Variants in MROH9 observed in about 807,000 individuals in gnomAD.
The protein encoded by MROH9 is maestro heat like repeat family member 9.
MROH9 carries 92 observed loss-of-function variants against 98.2 expected under a neutral mutation model. That is an observed-to-expected ratio of 0.94 (90% CI 0.79 to 1.11). The LOEUF (loss-of-function observed/expected upper bound fraction) is 1.11, where lower values mean the gene tolerates loss of function less well. MROH9 is among the 50% of genes most tolerant of loss of function. The probability of loss-of-function intolerance (pLI) is 0.00; values close to 1 mark genes in which losing one functional copy is unlikely to be tolerated. For synonymous variants in MROH9, 397 were observed against 368.9 expected (o/e 1.08, Z -0.87); for missense variants, 1,057 against 1,014.8 (o/e 1.04, Z -0.57).
chr1:170,992,256 C>G lies in MROH9; in HGVS notation c.1121C>G (p.Pro374Arg), dbSNP rs1651385559. ...ATCTTATTGATACTGAAAGGAAAGCCTGGGGAAATGGAGGACACCGTAACG... is the reference window on the plus strand; with the variant it reads ...ATCTTATTGATACTGAAAGGAAAGCGTGGGGAAATGGAGGACACCGTAACG... ...KTILLILKGK[P>R]GEMEDTVTEG... The change falls in exon 12 of 22, where the codon CCT (proline) becomes CGT (arginine). Residue 374 changes from proline to arginine, a missense_variant. Coordinates refer to ENST00000367759, the MANE Select transcript of MROH9 (RefSeq NM_001163629.2). 1.2e-6 allele frequency: 2 copies of G among 1,613,554 alleles called. No homozygotes were observed. The highest frequency in any genetic ancestry group is 2.7e-5 in the African/African-American group (2 of 74,988).
chr1:171,031,014 T>C (rs1466151781), intron 20 of MROH9, among the ~76,000 whole-genome samples: 2 of 152,240 alleles, frequency 1.3e-5, no homozygotes, highest in Non-Finnish European at 2.9e-5. Flanking sequence ...TCTTGTTGAA[T>C]TGTTCCCTTT....
intron 13 of MROH9, among the ~76,000 whole-genome samples, chr1:170,995,805 G>A (rs567824952): frequency 5.3e-5 from 8 of 152,252 alleles, no homozygotes; most frequent in Admixed American, 3.9e-4. Flanking sequence ...TATCAGATCA[G>A]TAAGAGACTA....
intron 15 of MROH9, among the ~76,000 whole-genome samples, chr1:171,012,243 T>C (rs1267591494): frequency 6.6e-6 from 1 of 152,078 alleles, no homozygotes; most frequent in African/African-American, 2.4e-5. Context: ...CTTTTTGGTT[T>C]CTTCTTTTAT....
At chr1:171,024,333 G>GTGTGT in intron 17 of MROH9, 62 bp from the exon 18 acceptor site, 1 of 859,272 alleles carries the variant, frequency 1.2e-6, no homozygotes, top group South Asian at 1.6e-5. Context: ...TGTGTGTGTA[G>GTGTGT]ATTACTGATT....
At chr1:170,940,533 C>T (rs28880304) in intron 1 of MROH9, among the ~76,000 whole-genome samples, 19,818 of 152,106 alleles carry the variant, frequency 0.13, 1,734 homozygotes, top group East Asian at 0.39. Context: ...TTCATGTACA[C>T]CTTACGGAAA....
At chr1:170,936,473 G>A (rs1203616251) in intron 1 of MROH9, among the ~76,000 whole-genome samples, 1 of 152,178 alleles carries the variant, frequency 6.6e-6, no homozygotes, top group Non-Finnish European at 1.5e-5. Flanking sequence ...ATTAGGGAGT[G>A]TCATCTCCTA....
chr1:170,955,283 G>A (rs530468803), intron 3 of MROH9, among the ~76,000 whole-genome samples: 1 of 152,102 alleles, frequency 6.6e-6, no homozygotes, highest in Non-Finnish European at 1.5e-5. Flanking sequence ...AAACGTGCTT[G>A]TGCCAGTTTC....
intron 20 of MROH9, among the ~76,000 whole-genome samples, chr1:171,051,997 T>C (rs964568528): frequency 6.6e-6 from 1 of 152,162 alleles, no homozygotes; most frequent in Non-Finnish European, 1.5e-5. Context: ...CTTGTATGTC[T>C]AGTAGAATTC....
chr1:171,015,114 A>G, intron 16 of MROH9: 2 of 467,596 alleles, frequency 4.3e-6, no homozygotes, highest in South Asian at 3.1e-5. Flanking sequence ...CTTTTATAAT[A>G]CATCCAATAA....
intron 12 of MROH9, 141 bp from the exon 13 acceptor site, chr1:170,995,248 G>T: frequency 1.3e-6 from 1 of 791,116 alleles, no homozygotes; most frequent in Non-Finnish European, 2.1e-6. Flanking sequence ...TTAAATGAAT[G>T]GATACCCATA....
chr1:170,971,947 T>G, intron 8 of MROH9, 64 bp downstream of exon 8: 1 of 1,561,312 alleles, frequency 6.4e-7, no homozygotes, highest in South Asian at 1.1e-5. Flanking sequence ...ATTCAACTTA[T>G]AGGTCCTGGG....
At chr1:170,976,573 C>T (rs1650699795) in intron 8 of MROH9, among the ~76,000 whole-genome samples, 1 of 152,054 alleles carries the variant, frequency 6.6e-6, no homozygotes. Flanking sequence ...ATGGTGAAAC[C>T]TCGTCTCTAA....
chr1:171,028,213 A>G (rs1652791209), intron 20 of MROH9, among the ~76,000 whole-genome samples: 2 of 152,190 alleles, frequency 1.3e-5, no homozygotes, highest in Non-Finnish European at 2.9e-5. Flanking sequence ...ATAAGGTGTA[A>G]GGAAAGCGTC....
intron 15 of MROH9, among the ~76,000 whole-genome samples, chr1:171,011,275 A>T (rs1652148011): frequency 6.6e-6 from 1 of 152,206 alleles, no homozygotes; most frequent in Non-Finnish European, 1.5e-5. Context: ...ATGTTAAAAC[A>T]ATTAAGTGAA....
At chr1:171,039,801 A>G (rs899564277) in intron 20 of MROH9, among the ~76,000 whole-genome samples, 3 of 152,192 alleles carry the variant, frequency 2.0e-5, no homozygotes, top group Non-Finnish European at 2.9e-5. Flanking sequence ...AAAGCACACT[A>G]ATAAAGGACG....
intron 20 of MROH9, among the ~76,000 whole-genome samples, chr1:171,032,375 C>T (rs534235767): frequency 6.6e-6 from 1 of 152,292 alleles, no homozygotes; most frequent in African/African-American, 2.4e-5. Flanking sequence ...TTTGGGTTTT[C>T]AGCATCTTTT....
At chr1:171,038,372 A>G (rs1653178837) in intron 20 of MROH9, among the ~76,000 whole-genome samples, 1 of 152,202 alleles carries the variant, frequency 6.6e-6, no homozygotes, top group Non-Finnish European at 1.5e-5. Flanking sequence ...GCCAGGTTGC[A>G]GGAAGTGAGC....
chr1:170,974,501 T>C (rs575534968), intron 8 of MROH9, among the ~76,000 whole-genome samples: 35 of 151,742 alleles, frequency 2.3e-4, no homozygotes, highest in Middle Eastern at 6.8e-3. Context: ...TTATAGGCAA[T>C]GAAGGAACAT....
chr1:171,026,212 C>T lies in MROH9; in HGVS notation c.2281+792C>T, dbSNP rs569337611. Among the ~76,000 whole-genome samples the T allele has an allele frequency of 6.6e-5, 10 of 151,574 alleles. No individual in the cohort carries two copies. The South Asian group carries it at 1.2e-3, about 19-fold the overall frequency. On this transcript the variant is annotated intron_variant, in intron 20 of 21. Transcript: ENST00000367759. ...ACACACACAGACACAGGCACGTGCGCGCACACACACACACACCCTCACAAA... is the reference window on the plus strand; with the variant it reads ...ACACACACAGACACAGGCACGTGCGTGCACACACACACACACCCTCACAAA...
Sources: gnomAD v4.1 joint callset for allele counts (sites outside exome capture counted in the v4.1 genomes callset) on GRCh38, gnomAD v4.1.1 for gene constraint, MANE v1.5 for transcripts, NCBI Gene and HGNC (gene_info 2026-07-23, HGNC 2026-07-21) for gene names.